The following CPED1 variants were observed in gnomAD, a reference collection of about 807,000 sequenced individuals.
CPED1 encodes the protein cadherin-like and PC-esterase domain-containing protein 1.
In CPED1, 114 loss-of-function variants were observed where a neutral mutation model predicts 128.2. That is an observed-to-expected ratio of 0.89 (90% CI 0.76 to 1.04). The LOEUF (loss-of-function observed/expected upper bound fraction) is 1.04, where lower values mean the gene tolerates loss of function less well. Ranked by LOEUF, CPED1 falls within the 50% of genes least tolerant of loss-of-function variation. The pLI is 0.00. For synonymous variants in CPED1, 462 were observed against 426.7 expected (o/e 1.08, Z -1.02); for missense variants, 1,211 against 1,207.1 (o/e 1.00, Z -0.05).
intron 2 of CPED1, among the ~76,000 whole-genome samples, chr7:121,012,123 T>C (rs953860512): frequency 2.6e-5 from 4 of 152,178 alleles, no homozygotes; most frequent in African/African-American, 9.7e-5. Context: ...CAAATCCAGA[T>C]TTTTGATTCC....
intron 7 of CPED1, among the ~76,000 whole-genome samples, chr7:121,103,588 C>T (rs1794903645): frequency 6.6e-6 from 1 of 152,052 alleles, no homozygotes; most frequent in African/African-American, 2.4e-5. Flanking sequence ...ATGTGGAGGA[C>T]AAAACCAAAC....
Position 121,136,042 on chromosome 7 carries a change from G to A in CPED1, c.1651G>A (p.Ala551Thr). 1 of 1,503,298 alleles carries A rather than the reference G, an allele frequency of 6.7e-7. No individual in the cohort carries two copies. Among genetic ancestry groups the A allele is most frequent in the Non-Finnish European group, 8.9e-7 (1 of 1,126,268 alleles). 93.1% of individuals were successfully genotyped at this position (1,503,298 alleles called of 1,614,324 possible). The stretch of plus-strand genomic sequence containing the variant: ...TTTACATTTCTTTTTTTTTTTAGCT[G>A]CAGTTCCACAAATTAAAAATGAAAA... ...PFDAIENKKA[A>T]VPQIKNENKE... The change falls in exon 14 of 23, where the codon GCA becomes ACA. Residue 551 changes from alanine to threonine, a missense_variant and splice_region_variant. Coordinates refer to ENST00000310396, the MANE Select transcript of CPED1 (RefSeq NM_024913.5).
intron 3 of CPED1, among the ~76,000 whole-genome samples, chr7:121,033,097 A>G (rs1280926214): frequency 6.6e-6 from 1 of 152,136 alleles, no homozygotes; most frequent in Admixed American, 6.5e-5. Flanking sequence ...ATAAGAGAAA[A>G]CTGCTGAGCC....
intron 18 of CPED1, among the ~76,000 whole-genome samples, chr7:121,259,025 A>G (rs1288404403): frequency 2.0e-5 from 3 of 152,158 alleles, no homozygotes; most frequent in South Asian, 2.1e-4. Context: ...TAGGCCTTCA[A>G]ATAGTGCTCT....
chr7:121,196,332 A>G (rs1457475137), intron 16 of CPED1, among the ~76,000 whole-genome samples: 1 of 151,974 alleles, frequency 6.6e-6, no homozygotes, highest in East Asian at 1.9e-4. Context: ...GCAGGCTGCT[A>G]CTCAGTAAGC....
intron 2 of CPED1, among the ~76,000 whole-genome samples, chr7:120,995,959 TC>T (rs1796393997): frequency 7.0e-6 from 1 of 142,238 alleles, no homozygotes; most frequent in Non-Finnish European, 1.6e-5. Context: ...CTCCTCCTCC[TC>T]CTCCTCCTCC....
intron 22 of CPED1, among the ~76,000 whole-genome samples, chr7:121,274,011 A>G (rs1476633891): frequency 6.6e-6 from 1 of 152,154 alleles, no homozygotes; most frequent in African/African-American, 2.4e-5. Flanking sequence ...TTCCTCTTTT[A>G]GAAAGAATTT....
chr7:121,033,615 C>A (rs1445689834), intron 3 of CPED1, among the ~76,000 whole-genome samples: 2 of 152,150 alleles, frequency 1.3e-5, no homozygotes, highest in African/African-American at 2.4e-5. Flanking sequence ...CCTGAACAAG[C>A]TTATTAGATT....
chr7:121,097,737 C>T lies in CPED1; in HGVS notation c.655C>T (p.Gln219Ter). Reference sequence around the variant, plus strand: ...AGTGAGTCCCTCTGTGTGTCTGGATCAGGGAATGCAATTAAAGCCGAGTAC... The same window carrying T: ...AGTGAGTCCCTCTGTGTGTCTGGATTAGGGAATGCAATTAAAGCCGAGTAC... Reference protein sequence around the residue: ...LPVSPSVCLDQGMQLKPSTSS... With the variant: ...LPVSPSVCLD Residue 219 changes from glutamine (Q) to a stop codon, truncating the protein, a stop_gained, in exon 6 of 23, where the codon CAG becomes TAG. Transcript: ENST00000310396. LOFTEE classifies it high-confidence loss of function. 1 of 1,613,782 alleles carries T rather than the reference C, an allele frequency of 6.2e-7. No homozygotes were observed. The highest frequency in any genetic ancestry group is 8.5e-7 in the Non-Finnish European group (1 of 1,179,776).
chr7:121,171,684 A>G (rs986458498), intron 16 of CPED1, among the ~76,000 whole-genome samples: 1 of 151,844 alleles, frequency 6.6e-6, no homozygotes, highest in African/African-American at 2.4e-5. Context: ...TATTTGAAAA[A>G]CCCTGAATAT....
chr7:121,029,857 T>C (rs1792685889), intron 3 of CPED1, among the ~76,000 whole-genome samples: 1 of 152,204 alleles, frequency 6.6e-6, no homozygotes, highest in South Asian at 2.1e-4. Context: ...AAATGATCAA[T>C]GTCCAGGTTA....
At chr7:121,010,029 C>T (rs1381485447) in intron 2 of CPED1, among the ~76,000 whole-genome samples, 2 of 152,232 alleles carry the variant, frequency 1.3e-5, no homozygotes, top group East Asian at 3.9e-4. Flanking sequence ...TAGAACCTGG[C>T]AGTAAGTTGC....
intron 16 of CPED1, 141 bp downstream of exon 16, chr7:121,142,282 C>A: frequency 5.4e-6 from 4 of 739,506 alleles, no homozygotes; most frequent in Non-Finnish European, 8.8e-6. Flanking sequence ...AAGTGAGAAT[C>A]CCAGCCAGGT....
chr7:121,167,672 G>A (rs1796561962), intron 16 of CPED1, among the ~76,000 whole-genome samples: 1 of 151,212 alleles, frequency 6.6e-6, no homozygotes, highest in Non-Finnish European at 1.5e-5. Flanking sequence ...TAAGCTGTAA[G>A]GTCTGAAGAA....
chr7:121,223,905 A>C (rs1239540035), intron 16 of CPED1, among the ~76,000 whole-genome samples: 2 of 151,212 alleles, frequency 1.3e-5, no homozygotes, highest in African/African-American at 2.4e-5. Context: ...TTTTGAAAAA[A>C]ACAGCTTCTG....
intron 16 of CPED1, among the ~76,000 whole-genome samples, chr7:121,183,894 CT>C (rs1796948283): frequency 6.6e-6 from 1 of 152,214 alleles, no homozygotes; most frequent in African/African-American, 2.4e-5. Flanking sequence ...TATTTCTTCA[CT>C]TTGCAAGGCT....
At chr7:121,025,751 T>C (rs573728196) in intron 3 of CPED1, among the ~76,000 whole-genome samples, 5 of 152,304 alleles carry the variant, frequency 3.3e-5, no homozygotes, top group African/African-American at 1.2e-4. Context: ...CTTTTCTTGA[T>C]ACTCCCGTCA....
chr7:121,203,117 C>T (rs1469982882), intron 16 of CPED1, among the ~76,000 whole-genome samples: 1 of 152,082 alleles, frequency 6.6e-6, no homozygotes, highest in East Asian at 1.9e-4. Context: ...ATCTTTTCCA[C>T]TCTCCTCACT....
chr7:121,125,882 T>A lies in CPED1; in HGVS notation c.1124T>A (p.Val375Glu), dbSNP rs1404674366. Residue 375 changes from valine to glutamate, a missense_variant, in exon 9 of 23, where the codon GTA (valine) becomes GAA (glutamate). Coordinates refer to ENST00000310396, the MANE Select transcript of CPED1 (RefSeq NM_024913.5). ...DIGYGSFMYP[V>E]VLQVHEHLNF... ...GGTTATGGCAGTTTCATGTACCCTG[T>A]AGTGCTCCAGGTCAGTATGCCAAAG... The A allele has an allele frequency of 6.2e-7, 1 of 1,611,702 alleles. No homozygotes were observed. The highest frequency in any genetic ancestry group is 8.5e-7 in the Non-Finnish European group (1 of 1,177,862).
Sources: allele counts gnomAD v4.1 joint callset (sites outside exome capture counted in the v4.1 genomes callset), GRCh38; gene constraint gnomAD v4.1.1; transcripts MANE v1.5; gene names NCBI Gene and HGNC (gene_info 2026-07-23, HGNC 2026-07-21).